The following PCDHGB2 variants were observed in gnomAD, a reference collection of about 807,000 sequenced individuals.
PCDHGB2 encodes protocadherin gamma-B2.
PCDHGB2 carries 55 observed loss-of-function variants against 59.3 expected under a neutral mutation model. The observed-to-expected ratio is 0.93, with a 90% CI of 0.75 to 1.16. PCDHGB2 has a LOEUF of 1.16. Among genes scored for constraint, PCDHGB2 ranks in the 50% most tolerant of loss-of-function variants. The pLI, the probability that PCDHGB2 is intolerant of heterozygous loss-of-function variation, is 0.00. For missense variants in PCDHGB2, 1,228 were observed against 1,198.5 expected (o/e 1.02, Z -0.36); for synonymous variants, 516 against 512.0 (o/e 1.01, Z -0.11).
rs1306730531 is a variant in PCDHGB2, at chr5:141,361,712, G to A, written c.1577G>A (p.Arg526His). Residue 526 changes from arginine (R) to histidine (H), a missense_variant, in exon 1 of 4, where the codon CGC becomes CAC. By Grantham distance (29) the Arg-to-His change is conservative. Coordinates refer to ENST00000522605, the MANE Select transcript of PCDHGB2 (RefSeq NM_018923.3). ...CGCGCCTTCGATCATGAGCAGCTGC[G>A]CGCCTTCGAGCTCACACTGCAGGCC... ...AQRAFDHEQL[R>H]AFELTLQARD... 3 of 1,613,282 alleles carry A rather than the reference G, an allele frequency of 1.9e-6. No individual in the cohort carries two copies. The highest frequency in any genetic ancestry group is 2.5e-6 in the Non-Finnish European group (3 of 1,179,902).
chr5:141,511,328 A>G lies in PCDHGB2; in HGVS notation c.*155A>G. On this transcript the variant is annotated 3_prime_UTR_variant, in exon 4 of 4. Transcript: ENST00000522605. Reference sequence around the variant, plus strand: ...CCTTGGGAAACAGAAACAAGTGCCCAGTCAGCACCTACCCCTTCCCCCCCA... The same window carrying G: ...CCTTGGGAAACAGAAACAAGTGCCCGGTCAGCACCTACCCCTTCCCCCCCA... The G allele has an allele frequency of 6.9e-7, 1 of 1,456,862 alleles. No individual in the cohort carries two copies. Among genetic ancestry groups the G allele is most frequent in the Non-Finnish European group, 9.1e-7 (1 of 1,093,622 alleles). 90.2% of individuals were successfully genotyped at this position (1,456,862 alleles called of 1,614,324 possible).
At chr5:141,363,502 A>G (rs368681590) in intron 1 of PCDHGB2, among the ~76,000 whole-genome samples, 2 of 152,230 alleles carry the variant, frequency 1.3e-5, no homozygotes, top group East Asian at 3.9e-4. Flanking sequence ...ATAAAACCCC[A>G]TCCTCCACAG....
rs934816631 is a variant in PCDHGB2, at chr5:141,378,863, G to A, written c.2421+16307G>A. 6 of 152,136 alleles carry A rather than the reference G, an allele frequency of 3.9e-5. No individual in the cohort carries two copies. The East Asian group carries it at 7.7e-4, about 20-fold the overall frequency. The allele number at this position is 152,136 out of a possible 1,614,324, so 9.4% of individuals were successfully genotyped here. ...GAGTTTTTGACTGTCAATGATGTTC[G>A]AATAGAAAATGGATCACTAAGGAGA... On this transcript the variant is annotated intron_variant, in intron 1 of 3. Transcript: ENST00000522605.
Position 141,432,599 on chromosome 5 carries a change from C to T in PCDHGB2, c.2422-62208C>T. 2.5e-6 allele frequency: 4 copies of T among 1,613,908 alleles called. No individual in the cohort carries two copies. The highest frequency in any genetic ancestry group is 2.7e-5 in the African/African-American group (2 of 75,052). On this transcript the variant is annotated intron_variant, in intron 1 of 3. Coordinates refer to ENST00000522605, the MANE Select transcript of PCDHGB2 (RefSeq NM_018923.3). The surrounding 1 kb of genome is among the most constrained non-coding windows in gnomAD (Gnocchi z 6.0). Reference sequence around the variant, plus strand: ...CTACCGTCTGCTCAAGGCCAGCGAGCCGGGACTCTTCTCGGTGGGTCTGCA... The same window carrying T: ...CTACCGTCTGCTCAAGGCCAGCGAGTCGGGACTCTTCTCGGTGGGTCTGCA...
At position 141,361,514 on chromosome 5, in the gene PCDHGB2, A is replaced by C. The variant is rs765118611; in HGVS notation, c.1379A>C (p.His460Pro). 6.2e-7 allele frequency: 1 copy of C among 1,614,028 alleles called. No individual in the cohort carries two copies. ...TTCCAACAGACTTCCTACATGGTTC[A>C]CGTGGCAGAGAACAATCCTCCTGGC... ...PVFQQTSYMV[H>P]VAENNPPGAS... The change falls in exon 1 of 4, where the codon CAC becomes CCC. Residue 460 changes from histidine to proline, a missense_variant. Around this residue, in one of 3 missense-constraint regions of PCDHGB2, gnomAD observed 781 missense variants for 721.6 expected, o/e 1.08. Transcript: ENST00000522605.
At chr5:141,366,220 A>C in intron 1 of PCDHGB2, 1 of 1,613,804 alleles carries the variant, frequency 6.2e-7, no homozygotes, top group Non-Finnish European at 8.5e-7. Context: ...GCACAGCGCG[A>C]GCCCTGCTGG....
At chr5:141,372,615 C>T (rs1244865693) in intron 1 of PCDHGB2, 1 of 1,613,968 alleles carries the variant, frequency 6.2e-7, no homozygotes, top group South Asian at 1.1e-5. Context: ...TGGAGTTCTC[C>T]CCACCTACAG....
At chr5:141,387,534 G>T in intron 1 of PCDHGB2, among the ~76,000 whole-genome samples, 1 of 152,198 alleles carries the variant, frequency 6.6e-6, no homozygotes, top group East Asian at 1.9e-4. Context: ...ACGTATCCAC[G>T]TAGTTTTTGT....
intron 1 of PCDHGB2, chr5:141,374,160 C>A: frequency 6.2e-7 from 1 of 1,612,164 alleles, no homozygotes; most frequent in Middle Eastern, 1.7e-4. Flanking sequence ...CTGTGGGGGG[C>A]CGCGGCAGCG....
chr5:141,482,752 T>C (rs1361016909), intron 1 of PCDHGB2, among the ~76,000 whole-genome samples: 1 of 127,096 alleles, frequency 7.9e-6, no homozygotes, highest in Non-Finnish European at 1.6e-5. Context: ...AGAGGGATTA[T>C]GGTATTTCAT....
intron 1 of PCDHGB2, among the ~76,000 whole-genome samples, chr5:141,465,407 A>G (rs1019401245): frequency 6.6e-6 from 1 of 152,218 alleles, no homozygotes; most frequent in African/African-American, 2.4e-5. Flanking sequence ...AGAAGAAGCC[A>G]AATCAGCACT....
Position 141,376,680 on chromosome 5 carries a change from T to TTTTTTTTTGTTTTG in PCDHGB2, c.2421+14132_2421+14133insGTTTTGTTTTTTTT, listed in dbSNP as rs1431701982. ...CCTTGTTCAGGTGAGGGTATCGTTT[T>TTTTTTTTTGTTTTG]TTTTTTTTTTTTTTTTTGAGACGGA... On this transcript the variant is annotated intron_variant, in intron 1 of 3. Transcript: ENST00000522605. The TTTTTTTTTGTTTTG allele has an allele frequency of 6.0e-6, 4 of 666,834 alleles. No individual in the cohort carries two copies. In the African/African-American group the frequency reaches 8.2e-5, roughly 14 times the overall value. The allele number at this position is 666,834 out of a possible 1,614,324, so 41.3% of individuals were successfully genotyped here.
intron 1 of PCDHGB2, chr5:141,403,123 G>A: frequency 6.2e-7 from 1 of 1,614,066 alleles, no homozygotes; most frequent in Non-Finnish European, 8.5e-7. Context: ...TGGAGCCCCG[G>A]GAGCTGGCGG....
intron 1 of PCDHGB2, chr5:141,367,617 A>T: frequency 6.6e-6 from 1 of 152,160 alleles, no homozygotes; most frequent in East Asian, 1.9e-4. Context: ...AACATGTAGC[A>T]TTCTAAAGTC....
intron 1 of PCDHGB2, chr5:141,364,259 C>T: frequency 6.7e-7 from 1 of 1,498,884 alleles, no homozygotes. Context: ...AATATGTACC[C>T]ATCGGCTTTA....
chr5:141,390,436 C>A, intron 1 of PCDHGB2: 1 of 949,978 alleles, frequency 1.1e-6, no homozygotes, highest in Non-Finnish European at 1.5e-6. Flanking sequence ...TCATATCATT[C>A]TACAAAGGAG....
At chr5:141,418,794 TAGAA>T in intron 1 of PCDHGB2, 1 of 1,613,706 alleles carries the variant, frequency 6.2e-7, no homozygotes, top group South Asian at 1.1e-5. Flanking sequence ...TTTGAAGAAG[TAGAA>T]AGATATACGA....
intron 1 of PCDHGB2, chr5:141,422,052 C>T: frequency 6.2e-7 from 1 of 1,611,298 alleles, no homozygotes; most frequent in Non-Finnish European, 8.5e-7. Flanking sequence ...AGGGAATCAA[C>T]GGGGAAGTAA....
intron 1 of PCDHGB2, chr5:141,384,871 G>C (rs769607351): frequency 6.2e-7 from 1 of 1,613,766 alleles, no homozygotes; most frequent in Non-Finnish European, 8.5e-7. Context: ...GTCAGCCACC[G>C]TCACACTCAC....
Sources: allele counts gnomAD v4.1 joint callset (sites outside exome capture counted in the v4.1 genomes callset), GRCh38; gene constraint gnomAD v4.1.1; regional missense constraint gnomAD v4.1.1; non-coding constraint Gnocchi (gnomAD v3.1); transcripts MANE v1.5; gene names NCBI Gene and HGNC (gene_info 2026-07-23, HGNC 2026-07-21).